ABCC2: variants seen among roughly 807,000 people sequenced by gnomAD.
ABCC2 encodes the protein ATP-binding cassette sub-family C member 2.
ABCC2 carries 157 observed loss-of-function variants against 173.4 expected under a neutral mutation model. That is an observed-to-expected ratio of 0.91 (90% CI 0.80 to 1.03). The LOEUF (loss-of-function observed/expected upper bound fraction) is 1.03. ABCC2 is among the 50% of genes least tolerant of loss of function. The probability of loss-of-function intolerance (pLI) is 0.00; values close to 1 mark genes in which losing one functional copy is unlikely to be tolerated. For missense variants in ABCC2, 1,822 were observed against 1,852.3 expected, an observed-to-expected ratio of 0.98 and a Z score of 0.30; for synonymous variants, 657 against 693.5, an observed-to-expected ratio of 0.95 and a Z score of 0.83.
chr10:99,814,394 G>GGT (rs1421032495), intron 16 of ABCC2, among the ~76,000 whole-genome samples: 16 of 129,864 alleles, frequency 1.2e-4, no homozygotes, highest in African/African-American at 4.7e-4. Context: ...TACATATATG[G>GGT]GTATATATAC....
intron 2 of ABCC2, among the ~76,000 whole-genome samples, chr10:99,789,719 A>AG (rs1554846658): frequency 1.5e-3 from 223 of 148,674 alleles, no homozygotes; most frequent in Admixed American, 3.8e-3. Context: ...CAAAAAAAAA[A>AG]AAAAAAAGAA....
At chr10:99,814,246 CACGT>C (rs1347615193) in intron 16 of ABCC2, among the ~76,000 whole-genome samples, 6 of 61,562 alleles carry the variant, frequency 9.7e-5, no homozygotes, top group African/African-American at 2.4e-4. Context: ...TATATGCACA[CACGT>C]ATGTATACAC....
Position 99,831,801 on chromosome 10 carries a change from G to A in ABCC2, c.3074G>A (p.Gly1025Glu), listed in dbSNP as rs1420214351. The part of the protein sequence containing the change: ...YPASQRDMRV[G>E]VYGALGLAQG... ...GCATCTCAGAGGGACATGAGAGTTG[G>A]AGTCTACGGAGCTCTGGGATTAGCC... The change falls in exon 22 of 32, where the codon GGA (glycine) becomes GAA (glutamate). Residue 1025 changes from glycine (G) to glutamate (E), a missense_variant. Physicochemically the swap from Gly to Glu is moderately conservative, Grantham distance 98. Transcript: ENST00000647814. 1 of 1,614,160 alleles carries A rather than the reference G, an allele frequency of 6.2e-7. No individual in the cohort carries two copies. The highest frequency in any genetic ancestry group is 8.5e-7 in the Non-Finnish European group (1 of 1,180,036).
At chr10:99,801,965 C>T (rs1314605122) in intron 9 of ABCC2, among the ~76,000 whole-genome samples, 5 of 152,162 alleles carry the variant, frequency 3.3e-5, no homozygotes, top group Non-Finnish European at 7.4e-5. Context: ...ATTTGCCTTC[C>T]TCCAGTTGAT....
chr10:99,821,804 C>T (rs1185512323), intron 19 of ABCC2, among the ~76,000 whole-genome samples: 1 of 151,810 alleles, frequency 6.6e-6, no homozygotes, highest in Non-Finnish European at 1.5e-5. Context: ...CACATTTCCC[C>T]CTTTTCTTTT....
In ABCC2 at chr10:99,814,253, GTATACACACGTA is replaced by G. The variant is rs1564684064; in HGVS notation, c.2094+1111_2094+1122del. Among the ~76,000 whole-genome samples, 178 of 44,170 alleles carry G rather than the reference GTATACACACGTA, an allele frequency of 4.0e-3. 4 individuals are homozygous for G. Among genetic ancestry groups the G allele is most frequent in the African/African-American group, 0.013 (122 of 9,686 alleles). The allele number at this position is 44,170 out of a possible 152,430, so 29.0% of individuals were successfully genotyped here. ...CATGTGTATATATGCACACACGTAT[GTATACACACGTA>G]TGTATACACACGTATGTATACACAC... On this transcript the variant is annotated intron_variant, in intron 16 of 31. Transcript: ENST00000647814.
Position 99,817,339 on chromosome 10 carries a change from G to C in ABCC2, c.2126G>C (p.Trp709Ser), listed in dbSNP as rs1274428587. ...ACTGCCTATGTCCCACAGCAGTCCT[G>C]GATTCAGAATGGCACCATAAAGGAC... ...GTTAYVPQQS[W>S]IQNGTIKDNI... Residue 709 changes from tryptophan to serine, a missense_variant, in exon 17 of 32, where the codon TGG becomes TCG. Coordinates refer to ENST00000647814, the MANE Select transcript of ABCC2 (RefSeq NM_000392.5). 6.2e-7 allele frequency: 1 copy of C among 1,613,992 alleles called. No homozygotes were observed. The highest frequency in any genetic ancestry group is 8.5e-7 in the Non-Finnish European group (1 of 1,180,018).
intron 16 of ABCC2, among the ~76,000 whole-genome samples, chr10:99,816,599 A>G (rs1320754311): frequency 2.0e-5 from 3 of 152,074 alleles, no homozygotes; most frequent in Non-Finnish European, 4.4e-5. Context: ...CTTTGGTTAT[A>G]ATCTTGCTTC....
At chr10:99,793,852 A>G in intron 4 of ABCC2, 40 bp from the exon 5 acceptor site, 1 of 1,589,418 alleles carries the variant, frequency 6.3e-7, no homozygotes. Context: ...CTTCCTTTGG[A>G]CAAAAGGCTC....
intron 16 of ABCC2, among the ~76,000 whole-genome samples, chr10:99,814,630 TATGTGTATATACACATATACACACAC>T (rs1564685679): frequency 0.018 from 1,706 of 94,524 alleles, 39 homozygotes; most frequent in African/African-American, 0.062. Context: ...TATACACACA[TATGTGTATATACACATATACACACAC>T]ATATGTGTAT....
At chr10:99,814,204 TACAC>T (rs1191032379) in intron 16 of ABCC2, among the ~76,000 whole-genome samples, 1 of 73,468 alleles carries the variant, frequency 1.4e-5, no homozygotes, top group Admixed American at 1.3e-4. Flanking sequence ...TGTGTATATA[TACAC>T]ACATGTGTAT....
Position 99,817,415 on chromosome 10 carries a change from G to A in ABCC2, c.2202G>A (p.Leu734=). The A allele has an allele frequency of 6.2e-7, 1 of 1,614,156 alleles. No homozygotes were observed. Among genetic ancestry groups the A allele is most frequent in the Non-Finnish European group, 8.5e-7 (1 of 1,180,024 alleles). The change falls in exon 17 of 32, where the codon CTG becomes CTA. Residue 734 remains leucine, a synonymous_variant. Transcript: ENST00000647814. ...EFNEKRYQQV[L]EACALLPDLE... ...ATGAAAAGAGGTACCAGCAAGTACT[G>A]GAGGCCTGTGCTCTCCTCCCAGACT... is the stretch of plus-strand genomic sequence containing the variant.
At chr10:99,832,632 G>T (rs78160693) in intron 23 of ABCC2, among the ~76,000 whole-genome samples, 2 of 152,218 alleles carry the variant, frequency 1.3e-5, no homozygotes, top group Non-Finnish European at 2.9e-5. Context: ...AAATACAAGA[G>T]ATAGTAGGAT....
At chr10:99,829,494 T>C (rs988285286) in intron 19 of ABCC2, among the ~76,000 whole-genome samples, 13 of 152,186 alleles carry the variant, frequency 8.5e-5, no homozygotes, top group African/African-American at 3.1e-4. Context: ...GAGGAGTAGA[T>C]ATCTGGAGGT....
chr10:99,793,671 CG>C lies in ABCC2; in HGVS notation c.456del (p.Thr153HisfsTer10). The C allele has an allele frequency of 6.2e-7, 1 of 1,613,970 alleles. No homozygotes were observed. Among genetic ancestry groups the C allele is most frequent in the Non-Finnish European group, 8.5e-7 (1 of 1,179,964 alleles). ...CGTFQFQTLI[R>X]TLLQGDNSNL... is the part of the protein sequence containing the mutation. ...CACTTTCCAATTTCAGACTCTGATC[CG>C]GACACTCTTACAGGTAAGGAAAAAA... On this transcript the variant is annotated frameshift_variant, in exon 4 of 32. Transcript: ENST00000647814. LOFTEE classifies it high-confidence loss of function.
chr10:99,803,095 A>G (rs941084756), intron 9 of ABCC2, among the ~76,000 whole-genome samples: 4 of 152,074 alleles, frequency 2.6e-5, no homozygotes, highest in Admixed American at 6.6e-5. Context: ...TAGCCTCCCG[A>G]GCAGCTGGGA....
At position 99,851,449 on chromosome 10, in the gene ABCC2, T is replaced by A; in HGVS notation, c.4509-53T>A. 6 of 1,610,400 alleles carry A rather than the reference T, an allele frequency of 3.7e-6. 1 individual carries two copies. In the South Asian group the frequency reaches 5.5e-5, roughly 15 times the overall value. ...AGTCCTGGTTATTCTTATAAATGCC[T>A]AGACTTGAGATGCTGCTTTCTAAGA... On this transcript the variant is annotated intron_variant, in intron 31 of 31. Coordinates refer to ENST00000647814, the MANE Select transcript of ABCC2 (RefSeq NM_000392.5).
rs1295970990 is a variant in ABCC2, at chr10:99,784,739, G to A, written c.165G>A (p.Arg55=). ...AGCTTCTCCACGTGTATAAATCCAG[G>A]ACCAAGAGATCCTCTACCACCAAAC... ...PWQLLHVYKS[R]TKRSSTTKLY... is the part of the protein sequence containing the mutation. Residue 55 remains arginine, a synonymous_variant, in exon 2 of 32, where the codon AGG becomes AGA. Coordinates refer to ENST00000647814, the MANE Select transcript of ABCC2 (RefSeq NM_000392.5). 1.2e-6 allele frequency: 2 copies of A among 1,614,096 alleles called. No homozygotes were observed. The highest frequency in any genetic ancestry group is 1.7e-6 in the Non-Finnish European group (2 of 1,180,028).
chr10:99,829,058 C>T (rs755101783), intron 19 of ABCC2, among the ~76,000 whole-genome samples: 18 of 152,080 alleles, frequency 1.2e-4, no homozygotes, highest in African/African-American at 2.4e-4. Context: ...ATCACCACCT[C>T]AGGCAGCTGC....
Sources: gnomAD v4.1 joint callset for allele counts (sites outside exome capture counted in the v4.1 genomes callset) on GRCh38, gnomAD v4.1.1 for gene constraint, MANE v1.5 for transcripts, NCBI Gene and HGNC (gene_info 2026-07-23, HGNC 2026-07-21) for gene names.